SNX29: variants seen among roughly 807,000 people sequenced by gnomAD.
SNX29 encodes the protein sorting nexin 29.
In SNX29, 78 loss-of-function variants were observed where a neutral mutation model predicts 102.1. That is an observed-to-expected ratio of 0.76 (90% confidence interval 0.64 to 0.92). The LOEUF is 0.92. SNX29 is among the 40% of genes least tolerant of loss of function. The pLI is 0.00. For missense variants in SNX29, 1,280 were observed against 1,061.7 expected, an observed-to-expected ratio of 1.21 and a Z score of -2.86; for synonymous variants, 580 against 414.5, an observed-to-expected ratio of 1.40 and a Z score of -4.85.
intron 16 of SNX29, among the ~76,000 whole-genome samples, chr16:12,395,956 T>A (rs1489932663): frequency 6.6e-6 from 1 of 152,242 alleles, no homozygotes; most frequent in African/African-American, 2.4e-5. Context: ...GGCCTTGTTA[T>A]CAAGTTATGT....
chr16:12,314,244 C>T lies in SNX29; in HGVS notation c.1782+36208C>T, dbSNP rs1279887635. 2.6e-5 allele frequency among the ~76,000 whole-genome samples: 4 copies of T among 152,388 alleles called. No individual in the cohort carries two copies. The South Asian group carries it at 8.3e-4, about 32-fold the overall frequency. On this transcript the variant is annotated intron_variant, in intron 15 of 20. Transcript: ENST00000566228. Reference sequence around the variant, plus strand: ...AAACTCCTGGTCTCAAACGATTCTCCTGCCTTGGCCTCCCAAAGTACTGGC... The same window carrying T: ...AAACTCCTGGTCTCAAACGATTCTCTTGCCTTGGCCTCCCAAAGTACTGGC...
chr16:12,027,059 C>G (rs146518393), intron 3 of SNX29, among the ~76,000 whole-genome samples: 1 of 152,178 alleles, frequency 6.6e-6, no homozygotes, highest in South Asian at 2.1e-4. Flanking sequence ...TCCCATGTTC[C>G]TTGTGAATTG....
At chr16:12,080,806 G>A (rs12708746) in intron 11 of SNX29, among the ~76,000 whole-genome samples, 33,748 of 151,134 alleles carry the variant, frequency 0.22, 3,993 homozygotes, top group South Asian at 0.36. Flanking sequence ...ATTCTCCTGC[G>A]TCAGCCTCCC....
At position 12,013,748 on chromosome 16, in the gene SNX29, G is replaced by A. The variant is rs188372983; in HGVS notation, c.122+10705G>A. Among the ~76,000 whole-genome samples, 1,403 of 151,182 alleles carry A rather than the reference G, an allele frequency of 9.3e-3. 16 individuals carry two copies. The highest frequency in any genetic ancestry group is 0.032 in the African/African-American group (1,317 of 41,140). On this transcript the variant is annotated intron_variant, in intron 3 of 20. Coordinates refer to ENST00000566228, the MANE Select transcript of SNX29 (RefSeq NM_032167.5). ...CAACCTCTGCCTCCCAGGTTCAAGT[G>A]ATTCTCCTGTCTCAGCCTCCCGAGT... is the stretch of plus-strand genomic sequence containing the variant.
chr16:11,986,791 A>G (rs1028341837), intron 1 of SNX29, among the ~76,000 whole-genome samples: 8 of 152,180 alleles, frequency 5.3e-5, no homozygotes, highest in South Asian at 2.1e-4. Flanking sequence ...CTCAGCCTCA[A>G]GTATTCATTT....
chr16:12,536,598 C>CACTA (rs1461495449), intron 20 of SNX29, among the ~76,000 whole-genome samples: 1 of 152,146 alleles, frequency 6.6e-6, no homozygotes, highest in African/African-American at 2.4e-5. Flanking sequence ...ACAGAGAACG[C>CACTA]ACTAACTAGT....
intron 14 of SNX29, among the ~76,000 whole-genome samples, chr16:12,257,381 T>C (rs941291436): frequency 2.0e-5 from 3 of 152,194 alleles, no homozygotes; most frequent in African/African-American, 7.2e-5. Context: ...CAGTATACTC[T>C]CCTATCTCAA....
chr16:12,439,713 G>T (rs935026981), intron 18 of SNX29, among the ~76,000 whole-genome samples: 6 of 151,532 alleles, frequency 4.0e-5, no homozygotes, highest in Admixed American at 3.9e-4. Context: ...GATTGGGGTG[G>T]GGACACAGCT....
chr16:12,429,605 C>T (rs1031704953), intron 18 of SNX29, among the ~76,000 whole-genome samples: 2 of 152,192 alleles, frequency 1.3e-5, no homozygotes, highest in Non-Finnish European at 2.9e-5. Flanking sequence ...AGATTTTTCT[C>T]ATGTTACTCT....
chr16:12,518,573 C>A (rs544639763), intron 19 of SNX29, among the ~76,000 whole-genome samples: 1 of 152,184 alleles, frequency 6.6e-6, no homozygotes, highest in Admixed American at 6.5e-5. Context: ...CTCCTGCAAA[C>A]GTAGATATTC....
chr16:12,555,738 A>C, intron 20 of SNX29, among the ~76,000 whole-genome samples: 5 of 150,518 alleles, frequency 3.3e-5, no homozygotes, highest in Admixed American at 6.6e-5. Flanking sequence ...TTTTCCTTCC[A>C]CCTCCCCACA....
intron 14 of SNX29, among the ~76,000 whole-genome samples, chr16:12,203,807 G>T (rs149467363): frequency 6.6e-6 from 1 of 152,322 alleles, no homozygotes; most frequent in Non-Finnish European, 1.5e-5. Flanking sequence ...CCCCTGCTAG[G>T]ATTGGCCACA....
chr16:12,293,731 AAAAT>A (rs1271517340), intron 15 of SNX29, among the ~76,000 whole-genome samples: 1 of 152,226 alleles, frequency 6.6e-6, no homozygotes, highest in Non-Finnish European at 1.5e-5. Flanking sequence ...ACAGATTAAA[AAAAT>A]AAAGTACAAA....
intron 14 of SNX29, among the ~76,000 whole-genome samples, chr16:12,267,612 A>T (rs1163819676): frequency 6.6e-6 from 1 of 152,214 alleles, no homozygotes; most frequent in Non-Finnish European, 1.5e-5. Flanking sequence ...CTGCAGGAGC[A>T]GCCATGTGTG....
intron 11 of SNX29, among the ~76,000 whole-genome samples, chr16:12,121,521 A>G (rs990683389): frequency 6.6e-6 from 1 of 152,214 alleles, no homozygotes; most frequent in Non-Finnish European, 1.5e-5. Context: ...GAAGGCAGGA[A>G]TGAGGAGTTC....
intron 3 of SNX29, among the ~76,000 whole-genome samples, chr16:12,010,897 C>G (rs368661223): frequency 2.0e-5 from 3 of 152,206 alleles, no homozygotes; most frequent in Non-Finnish European, 2.9e-5. Flanking sequence ...AGAGGACTTA[C>G]GAAACGGAAT....
chr16:11,997,724 CT>C, intron 1 of SNX29, among the ~76,000 whole-genome samples: 4 of 152,130 alleles, frequency 2.6e-5, no homozygotes, highest in African/African-American at 9.7e-5. Context: ...AGCAATCTTC[CT>C]GCCTCAGCCT....
chr16:12,339,370 C>CAAAAAAAAAAAAAAAAAAAAA (rs58148692), intron 15 of SNX29, among the ~76,000 whole-genome samples: 1 of 56,280 alleles, frequency 1.8e-5, no homozygotes, highest in African/African-American at 8.0e-5. Context: ...GATTCTGTCT[C>CAAAAAAAAAAAAAAAAAAAAA]AAAAAAAAAA....
intron 18 of SNX29, among the ~76,000 whole-genome samples, chr16:12,449,286 C>G (rs942126655): frequency 4.0e-5 from 6 of 151,842 alleles, no homozygotes; most frequent in African/African-American, 1.5e-4. Flanking sequence ...ATGCTGGAGG[C>G]AAGCCCTCCA....
Sources: allele counts gnomAD v4.1 joint callset (sites outside exome capture counted in the v4.1 genomes callset), GRCh38; gene constraint gnomAD v4.1.1; transcripts MANE v1.5; gene names NCBI Gene and HGNC (gene_info 2026-07-23, HGNC 2026-07-21).